Variants in TTBK2 observed in about 807,000 individuals in gnomAD.
TTBK2 encodes tau-tubulin kinase 2.
Under a neutral mutation model 110.8 loss-of-function variants are expected in TTBK2, and 28 were observed. The ratio of observed to expected loss-of-function variants is 0.25; its 90% confidence interval spans 0.19 to 0.35. The LOEUF is 0.35. Ranked by LOEUF, TTBK2 falls within the 10% of genes least tolerant of loss-of-function variation. The probability of loss-of-function intolerance (pLI) is 1.00; values close to 1 mark genes in which losing one functional copy is unlikely to be tolerated. For synonymous variants in TTBK2, 532 were observed against 527.3 expected (o/e 1.01, Z -0.12); for missense variants, 1,369 against 1,500.3 (o/e 0.91, Z 1.45).
At chr15:42,746,856 G>A (rs944875239) in intron 14 of TTBK2, among the ~76,000 whole-genome samples, 1 of 152,028 alleles carries the variant, frequency 6.6e-6, no homozygotes, top group Non-Finnish European at 1.5e-5. Context: ...GTAGTCATTG[G>A]TTTCTGTGGA....
chr15:42,824,609 T>G lies in TTBK2; in HGVS notation c.537+3319A>C, dbSNP rs191795113. Among the ~76,000 whole-genome samples, 730 of 152,280 alleles carry G rather than the reference T, an allele frequency of 4.8e-3. 12 individuals are homozygous for G. The highest frequency in any genetic ancestry group is 0.017 in the African/African-American group (698 of 41,558). On this transcript the variant is annotated intron_variant, in intron 6 of 14. Coordinates refer to ENST00000267890, the MANE Select transcript of TTBK2 (RefSeq NM_173500.4). ...TTTTCAATTAACAGACCAACTACTA[T>G]TACATATTGATCAGCCAACAGGGTA...
intron 9 of TTBK2, among the ~76,000 whole-genome samples, chr15:42,799,644 C>A (rs569395223): frequency 6.6e-6 from 1 of 152,138 alleles, no homozygotes; most frequent in Non-Finnish European, 1.5e-5. Context: ...CCATGTCGGC[C>A]AGGCTGGTCT....
rs528074064 is a variant in TTBK2 at position 42,770,046 on chromosome 15, G to T, written c.1998+5089C>A. Among the ~76,000 whole-genome samples, 21 of 147,524 alleles carry T rather than the reference G, an allele frequency of 1.4e-4. No homozygotes were observed. The South Asian group carries it at 2.0e-3, about 14-fold the overall frequency. ...ATGCTCTCACTCATAGGTGGGAATT[G>T]AACAATGAGAATACTTGGACACAGG... On this transcript the variant is annotated intron_variant, in intron 13 of 14. Coordinates refer to ENST00000267890, the MANE Select transcript of TTBK2 (RefSeq NM_173500.4).
At chr15:42,774,221 A>T (rs1199726181) in intron 13 of TTBK2, among the ~76,000 whole-genome samples, 1 of 152,116 alleles carries the variant, frequency 6.6e-6, no homozygotes, top group Non-Finnish European at 1.5e-5. Flanking sequence ...GTTTCTGGTG[A>T]GTTGGGGGAG....
intron 1 of TTBK2, among the ~76,000 whole-genome samples, chr15:42,892,811 AC>A (rs748229432): frequency 6.6e-5 from 10 of 151,612 alleles, no homozygotes; most frequent in Non-Finnish European, 1.2e-4. Flanking sequence ...GGAGTTCAAG[AC>A]CAGCCTGGTC....
At chr15:42,792,882 G>A (rs945227639) in intron 10 of TTBK2, among the ~76,000 whole-genome samples, 61 of 152,114 alleles carry the variant, frequency 4.0e-4, no homozygotes, top group Non-Finnish European at 8.4e-4. Context: ...TTATTTTGGA[G>A]AAAATATTGG....
At chr15:42,892,802 G>C (rs1895511885) in intron 1 of TTBK2, among the ~76,000 whole-genome samples, 1 of 151,172 alleles carries the variant, frequency 6.6e-6, no homozygotes, top group Admixed American at 6.6e-5. Flanking sequence ...CTGAGGTCAG[G>C]AGTTCAAGAC....
intron 1 of TTBK2, among the ~76,000 whole-genome samples, chr15:42,901,158 C>T (rs1420695639): frequency 1.3e-5 from 2 of 152,102 alleles, no homozygotes; most frequent in East Asian, 3.9e-4. Context: ...GTCAGGAGTT[C>T]AAGACCAGCC....
At position 42,775,123 on chromosome 15, in the gene TTBK2, C is replaced by T; in HGVS notation, c.1998+12G>A. On this transcript the variant is annotated intron_variant, in intron 13 of 14. Transcript: ENST00000267890. Reference sequence around the variant, plus strand: ...GGATAACAGAGAATAATAATAAAAACAAATTTCTTACCGCTGTAAGGGGTC... The same window carrying T: ...GGATAACAGAGAATAATAATAAAAATAAATTTCTTACCGCTGTAAGGGGTC... The T allele has an allele frequency of 6.2e-7, 1 of 1,610,616 alleles. No homozygotes were observed. The highest frequency in any genetic ancestry group is 8.5e-7 in the Non-Finnish European group (1 of 1,179,696).
At chr15:42,816,455 C>T (rs939013874) in intron 7 of TTBK2, among the ~76,000 whole-genome samples, 5 of 151,864 alleles carry the variant, frequency 3.3e-5, no homozygotes, top group African/African-American at 1.2e-4. Context: ...ACTTAGCTAT[C>T]GTCTTTTCTG....
intron 5 of TTBK2, among the ~76,000 whole-genome samples, chr15:42,828,386 CAA>C (rs763629302): frequency 4.2e-5 from 5 of 119,376 alleles, no homozygotes; most frequent in African/African-American, 9.3e-5. Flanking sequence ...AGAGATGGAC[CAA>C]AAAAAAAAAA....
intron 9 of TTBK2, among the ~76,000 whole-genome samples, chr15:42,808,483 T>G (rs1891573352): frequency 6.6e-6 from 1 of 152,132 alleles, no homozygotes; most frequent in Admixed American, 6.6e-5. Context: ...ATGGATATGC[T>G]TTTTGCTTGT....
At chr15:42,859,158 G>A (rs1374133502) in intron 3 of TTBK2, among the ~76,000 whole-genome samples, 1 of 152,028 alleles carries the variant, frequency 6.6e-6, no homozygotes, top group Non-Finnish European at 1.5e-5. Flanking sequence ...AGGCTGGAGT[G>A]CAGTGGCATA....
chr15:42,855,656 A>G (rs1180169794), intron 3 of TTBK2, among the ~76,000 whole-genome samples: 2 of 152,196 alleles, frequency 1.3e-5, no homozygotes, highest in African/African-American at 4.8e-5. Context: ...CTGGTCATAT[A>G]AGGCCACAAC....
intron 3 of TTBK2, among the ~76,000 whole-genome samples, chr15:42,846,225 T>C (rs1324340537): frequency 6.6e-6 from 1 of 151,660 alleles, no homozygotes; most frequent in African/African-American, 2.4e-5. Flanking sequence ...CAGTCTGCTC[T>C]GTCACCCAGG....
intron 1 of TTBK2, among the ~76,000 whole-genome samples, chr15:42,892,670 A>C (rs1895503608): frequency 7.4e-6 from 1 of 134,736 alleles, no homozygotes; most frequent in East Asian, 2.1e-4. Context: ...GTAAGACTGC[A>C]CTCTAGCCTG....
At position 42,753,158 on chromosome 15, in the gene TTBK2, C is replaced by T. The variant is rs1348525091; in HGVS notation, c.2088G>A (p.Gln696=). Reference sequence around the variant, plus strand: ...AAAGTTCCACAGTGGGCTCCATGGGCTGAAGATCTTTCTTCTCTGGCTGCT... The same window carrying T: ...AAAGTTCCACAGTGGGCTCCATGGGTTGAAGATCTTTCTTCTCTGGCTGCT... ...CGQQPEKKDL[Q]PMEPTVELYS... is the part of the protein sequence containing the mutation. Residue 696 remains glutamine (Q), a synonymous_variant, in exon 14 of 15, where the codon CAG becomes CAA. Coordinates refer to ENST00000267890, the MANE Select transcript of TTBK2 (RefSeq NM_173500.4). 2 of 1,604,624 alleles carry T rather than the reference C, an allele frequency of 1.2e-6. No individual in the cohort carries two copies. Among genetic ancestry groups the T allele is most frequent in the African/African-American group, 2.7e-5 (2 of 74,238 alleles).
At chr15:42,769,892 G>A (rs990351612) in intron 13 of TTBK2, among the ~76,000 whole-genome samples, 4 of 152,110 alleles carry the variant, frequency 2.6e-5, no homozygotes, top group African/African-American at 9.7e-5. Context: ...AGAAAATGTG[G>A]CACATATACA....
At chr15:42,746,305 G>A (rs1422493973) in intron 14 of TTBK2, 48 bp from the exon 15 acceptor site, 1 of 1,463,568 alleles carries the variant, frequency 6.8e-7, no homozygotes, top group African/African-American at 1.4e-5. Context: ...CATTTCAAGT[G>A]TGCCTAAAAA....
Sources: allele counts gnomAD v4.1 joint callset (sites outside exome capture counted in the v4.1 genomes callset), GRCh38; gene constraint gnomAD v4.1.1; transcripts MANE v1.5; gene names NCBI Gene and HGNC (gene_info 2026-07-23, HGNC 2026-07-21).